Variants in ARHGAP26 observed in about 807,000 individuals in gnomAD.
ARHGAP26 encodes the protein rho GTPase-activating protein 26.
A neutral mutation model predicts 104.8 loss-of-function variants in ARHGAP26; 38 were observed. The ratio of observed to expected loss-of-function variants is 0.36; its 90% CI spans 0.28 to 0.48. The LOEUF (loss-of-function observed/expected upper bound fraction) is 0.48, where lower values mean the gene tolerates loss of function less well. Ranked by LOEUF, ARHGAP26 falls within the 20% of genes least tolerant of loss-of-function variation. The pLI, the probability that ARHGAP26 is intolerant of heterozygous loss-of-function variation, is 0.99. For synonymous variants in ARHGAP26, 341 were observed against 340.0 expected (o/e 1.00, Z -0.03); for missense variants, 704 against 947.9 (o/e 0.74, Z 3.38).
chr5:142,885,232 A>T, intron 4 of ARHGAP26, 66 bp from the exon 5 acceptor site: 1 of 1,334,938 alleles, frequency 7.5e-7, no homozygotes, highest in East Asian at 2.4e-5. Context: ...ATCTTGAGAG[A>T]TGGAGGCTGC....
Position 142,804,626 on chromosome 5 carries a change from G to A in ARHGAP26, c.154+33711G>A, listed in dbSNP as rs572062906. On this transcript the variant is annotated intron_variant, in intron 1 of 22. Coordinates refer to ENST00000645722, the MANE Select transcript of ARHGAP26 (RefSeq NM_001135608.3). ...CGTGCCTCAGCCTCCCGAGTAGCTG[G>A]GAATACAGGCATGTGCCACCACACC... Among the ~76,000 whole-genome samples the A allele has an allele frequency of 1.1e-4, 16 of 152,124 alleles. No individual in the cohort carries two copies. In the South Asian group the frequency reaches 3.3e-3, roughly 32 times the overall value.
At chr5:143,187,722 C>A (rs1805350517) in intron 20 of ARHGAP26, among the ~76,000 whole-genome samples, 1 of 152,240 alleles carries the variant, frequency 6.6e-6, no homozygotes, top group South Asian at 2.1e-4. Context: ...CAGCTTACCC[C>A]TATGCAAAAT....
At chr5:142,805,607 G>A (rs1762844928) in intron 1 of ARHGAP26, among the ~76,000 whole-genome samples, 2 of 152,198 alleles carry the variant, frequency 1.3e-5, no homozygotes, top group Middle Eastern at 3.4e-3. Context: ...GAGGGAGAGC[G>A]AAAAATGAGT....
At chr5:143,062,677 C>T (rs1175194780) in intron 17 of ARHGAP26, among the ~76,000 whole-genome samples, 1 of 152,052 alleles carries the variant, frequency 6.6e-6, no homozygotes, top group East Asian at 1.9e-4. Flanking sequence ...AAAGTCTTGC[C>T]AGGCATTGGC....
At chr5:143,052,054 G>A (rs7707272) in intron 14 of ARHGAP26, among the ~76,000 whole-genome samples, 94,174 of 151,990 alleles carry the variant, frequency 0.62, 30,504 homozygotes, top group Non-Finnish European at 0.73. Flanking sequence ...GTGCAAGATG[G>A]CAAAGACACA....
At chr5:143,021,495 G>A (rs531747206) in intron 12 of ARHGAP26, among the ~76,000 whole-genome samples, 19 of 152,234 alleles carry the variant, frequency 1.2e-4, no homozygotes, top group South Asian at 6.2e-4. Context: ...GCCTTTGTAC[G>A]TATCTCAGAT....
intron 17 of ARHGAP26, among the ~76,000 whole-genome samples, chr5:143,064,197 C>G (rs1254767599): frequency 6.6e-6 from 1 of 152,054 alleles, no homozygotes; most frequent in East Asian, 1.9e-4. Context: ...TCCAGTTTGC[C>G]TTAGTTCCTA....
chr5:143,152,507 CTA>C (rs1799968214), intron 20 of ARHGAP26, among the ~76,000 whole-genome samples: 1 of 152,224 alleles, frequency 6.6e-6, no homozygotes, highest in Non-Finnish European at 1.5e-5. Flanking sequence ...TCTCTGGTCT[CTA>C]TAATCTCACA....
chr5:143,093,146 G>T (rs1303914669), intron 17 of ARHGAP26, among the ~76,000 whole-genome samples: 12 of 146,654 alleles, frequency 8.2e-5, no homozygotes, highest in Non-Finnish European at 1.8e-4. Flanking sequence ...CTACCTTTTT[G>T]CTTTTTTTTT....
intron 1 of ARHGAP26, among the ~76,000 whole-genome samples, chr5:142,811,781 T>C (rs1442963790): frequency 6.6e-6 from 1 of 152,250 alleles, no homozygotes; most frequent in Non-Finnish European, 1.5e-5. Flanking sequence ...TTTTCACTTA[T>C]GATACTCTTG....
intron 21 of ARHGAP26, chr5:143,207,550 C>A: frequency 6.5e-7 from 1 of 1,537,346 alleles, no homozygotes; most frequent in South Asian, 1.2e-5. Context: ...TGCCCCTGCT[C>A]TCCTGTGGTT....
intron 17 of ARHGAP26, among the ~76,000 whole-genome samples, chr5:143,068,052 T>C (rs1787759001): frequency 6.6e-6 from 1 of 152,080 alleles, no homozygotes; most frequent in South Asian, 2.1e-4. Context: ...TAGTCCCAGC[T>C]ACTTGGGAGG....
At chr5:142,803,251 C>G (rs948453568) in intron 1 of ARHGAP26, among the ~76,000 whole-genome samples, 1 of 152,088 alleles carries the variant, frequency 6.6e-6, no homozygotes, top group Non-Finnish European at 1.5e-5. Context: ...GAAAAATTTT[C>G]AGAATAAATA....
At chr5:142,887,928 G>A (rs780125141) in intron 5 of ARHGAP26, among the ~76,000 whole-genome samples, 3 of 151,984 alleles carry the variant, frequency 2.0e-5, no homozygotes, top group Non-Finnish European at 4.4e-5. Context: ...TCGCGCCACT[G>A]CACTCCAGCC....
At chr5:143,083,761 A>C (rs9324901) in intron 17 of ARHGAP26, among the ~76,000 whole-genome samples, 5,668 of 152,220 alleles carry the variant, frequency 0.037, 351 homozygotes, top group African/African-American at 0.13. Flanking sequence ...TGCCTCCCAA[A>C]ATGCTGGGAT....
At chr5:142,860,992 C>A (rs1478042790) in intron 1 of ARHGAP26, among the ~76,000 whole-genome samples, 1 of 152,204 alleles carries the variant, frequency 6.6e-6, no homozygotes, top group Non-Finnish European at 1.5e-5. Context: ...TCTTGCAACA[C>A]CTATTGCAAG....
intron 11 of ARHGAP26, among the ~76,000 whole-genome samples, chr5:142,943,792 T>C (rs1030999621): frequency 7.2e-5 from 11 of 152,252 alleles, no homozygotes; most frequent in African/African-American, 2.7e-4. Flanking sequence ...TTTATCTTCA[T>C]ACCACTACCT....
intron 11 of ARHGAP26, among the ~76,000 whole-genome samples, chr5:142,987,499 C>A (rs1456733292): frequency 6.6e-6 from 1 of 151,588 alleles, no homozygotes; most frequent in African/African-American, 2.4e-5. Context: ...CTTTCTCCTG[C>A]CTGATTGCCC....
chr5:143,088,906 A>G (rs977860495), intron 17 of ARHGAP26, among the ~76,000 whole-genome samples: 6 of 152,148 alleles, frequency 3.9e-5, no homozygotes, highest in African/African-American at 1.4e-4. Flanking sequence ...GATAATCGGA[A>G]TGAGTCAGGG....
Sources: gnomAD v4.1 joint callset for allele counts (sites outside exome capture counted in the v4.1 genomes callset) on GRCh38, gnomAD v4.1.1 for gene constraint, MANE v1.5 for transcripts, NCBI Gene and HGNC (gene_info 2026-07-23, HGNC 2026-07-21) for gene names.